The following MYO1E variants were observed in gnomAD, a reference collection of about 807,000 sequenced individuals.
The protein encoded by MYO1E is myosin IE.
Under a neutral mutation model 151.1 loss-of-function variants are expected in MYO1E, and 68 were observed. The ratio of observed to expected loss-of-function variants is 0.45; its 90% CI spans 0.37 to 0.55. The LOEUF (loss-of-function observed/expected upper bound fraction) is 0.55. Ranked by LOEUF, MYO1E falls within the 20% of genes least tolerant of loss-of-function variation. The probability of loss-of-function intolerance (pLI) is 0.00; values close to 1 mark genes in which losing one functional copy is unlikely to be tolerated. For synonymous variants in MYO1E, 601 were observed against 501.7 expected, an observed-to-expected ratio of 1.20 and a Z score of -2.64; for missense variants, 1,363 against 1,389.3, an observed-to-expected ratio of 0.98 and a Z score of 0.30.
chr15:59,195,286 A>T (rs535328407), intron 17 of MYO1E, among the ~76,000 whole-genome samples, 175 bp downstream of exon 17: 1 of 152,374 alleles, frequency 6.6e-6, no homozygotes, highest in African/African-American at 2.4e-5. Context: ...ACATTTTAGC[A>T]AATGACACGG....
chr15:59,199,564 A>G (rs2079788445), intron 16 of MYO1E, among the ~76,000 whole-genome samples: 1 of 152,204 alleles, frequency 6.6e-6, no homozygotes, highest in African/African-American at 2.4e-5. Context: ...CGAATTAAGT[A>G]AAACCTCAAA....
chr15:59,213,488 T>TA (rs1464996759), intron 12 of MYO1E, among the ~76,000 whole-genome samples: 2 of 149,982 alleles, frequency 1.3e-5, no homozygotes, highest in Non-Finnish European at 3.0e-5. Flanking sequence ...ATTTTTGAGA[T>TA]AGAGTCTTGC....
chr15:59,315,035 G>T (rs1052429033), intron 1 of MYO1E, among the ~76,000 whole-genome samples: 1 of 152,074 alleles, frequency 6.6e-6, no homozygotes, highest in South Asian at 2.1e-4. Flanking sequence ...ATAAACGTAT[G>T]GGCCAAATAA....
At chr15:59,245,174 T>C (rs1245170790) in intron 4 of MYO1E, among the ~76,000 whole-genome samples, 4 of 152,082 alleles carry the variant, frequency 2.6e-5, no homozygotes, top group African/African-American at 7.2e-5. Flanking sequence ...AGCGTCCCCA[T>C]GCTAATAATA....
intron 4 of MYO1E, among the ~76,000 whole-genome samples, chr15:59,253,303 A>G (rs1371530122): frequency 6.6e-6 from 1 of 152,206 alleles, no homozygotes; most frequent in African/African-American, 2.4e-5. Context: ...CTGCAGAAAA[A>G]TAATAGAATT....
At chr15:59,168,255 A>AG (rs2079573003) in intron 22 of MYO1E, among the ~76,000 whole-genome samples, 1 of 152,160 alleles carries the variant, frequency 6.6e-6, no homozygotes, top group African/African-American at 2.4e-5. Context: ...GTAAACAAGT[A>AG]GGATAGTAGG....
chr15:59,259,898 T>C (rs1295989769), intron 3 of MYO1E, among the ~76,000 whole-genome samples: 1 of 152,110 alleles, frequency 6.6e-6, no homozygotes, highest in African/African-American at 2.4e-5. Context: ...TCAGTAGATT[T>C]TAGTACTTCA....
chr15:59,161,178 A>C lies in MYO1E; in HGVS notation c.2680T>G (p.Ser894Ala). 1 of 1,614,060 alleles carries C rather than the reference A, an allele frequency of 6.2e-7. No homozygotes were observed. Residue 894 changes from serine (S) to alanine (A), a missense_variant, in exon 24 of 28, where the codon TCC becomes GCC. By Grantham distance (99) the Ser-to-Ala change is moderately conservative. Transcript: ENST00000288235. ...CCTTGGTGGAACTGCACTTGCCGGG[A>C]GCCCCCTGCACTCCAGGGGCCCCAG... ...ENWGPWSAGG[S>A]RQVQFHQGFG...
intron 19 of MYO1E, among the ~76,000 whole-genome samples, chr15:59,177,404 AG>A (rs1339725692): frequency 7.9e-5 from 12 of 152,214 alleles, no homozygotes; most frequent in African/African-American, 2.9e-4. Context: ...TTAGAGGAGA[AG>A]AAAACTAATG....
rs545367734 is a variant in MYO1E at position 59,238,217 on chromosome 15, A to G, written c.333-1545T>C. ...GAAATTATCTTTTCAAATGGTTGAC[A>G]TACTCAGATGATGTATTTACTAGAT... On this transcript the variant is annotated intron_variant, in intron 4 of 27. Transcript: ENST00000288235. Among the ~76,000 whole-genome samples the G allele has an allele frequency of 2.6e-5, 4 of 152,352 alleles. No individual in the cohort carries two copies. The South Asian group carries it at 6.2e-4, about 24-fold the overall frequency.
In MYO1E at chr15:59,225,084, T is replaced by C. The variant is rs530976798; in HGVS notation, c.643-261A>G. 4.6e-5 allele frequency among the ~76,000 whole-genome samples: 7 copies of C among 152,140 alleles called. 1 individual carries two copies. Among genetic ancestry groups the C allele is most frequent in the African/African-American group, 1.7e-4 (7 of 41,512 alleles). The stretch of plus-strand genomic sequence containing the variant: ...AACTGGACTGCCACCCTCGGAAGAG[T>C]GGAAAGCAAAACAGATTTTAATTAC... On this transcript the variant is annotated intron_variant, in intron 7 of 27. Transcript: ENST00000288235.
intron 25 of MYO1E, among the ~76,000 whole-genome samples, chr15:59,154,087 G>T (rs1237662496): frequency 6.6e-6 from 1 of 152,214 alleles, no homozygotes; most frequent in East Asian, 1.9e-4. Flanking sequence ...GAACACAGCG[G>T]ACACTCAGCA....
rs1051026 is a variant in MYO1E at position 59,137,311 on chromosome 15, C to T, written c.*69G>A. ...GCTCATTGTGGATTGTAAGGGGAGC[C>T]CCTAAATATCCCCTCCCCTGGTCTG... is the stretch of plus-strand genomic sequence containing the variant. On this transcript the variant is annotated 3_prime_UTR_variant, in exon 28 of 28. Transcript: ENST00000288235. The T allele has an allele frequency of 1.6e-4, 210 of 1,330,318 alleles. No homozygotes were observed. Among genetic ancestry groups the T allele is most frequent in the Non-Finnish European group, 2.2e-4 (202 of 922,002 alleles). 82.4% of individuals were successfully genotyped at this position (1,330,318 alleles called of 1,614,324 possible).
At chr15:59,351,420 G>A (rs28561629) in intron 1 of MYO1E, among the ~76,000 whole-genome samples, 3,785 of 152,266 alleles carry the variant, frequency 0.025, 154 homozygotes, top group African/African-American at 0.082. Flanking sequence ...CTGCCCTCAC[G>A]GAATTTATTT....
intron 19 of MYO1E, among the ~76,000 whole-genome samples, chr15:59,177,004 A>G (rs2079629145): frequency 6.6e-6 from 1 of 152,248 alleles, no homozygotes; most frequent in African/African-American, 2.4e-5. Flanking sequence ...CAGAAAAAAA[A>G]GTATTACAAA....
intron 26 of MYO1E, among the ~76,000 whole-genome samples, chr15:59,140,417 A>G (rs1021261636): frequency 1.4e-4 from 21 of 152,360 alleles, no homozygotes; most frequent in East Asian, 1.9e-4. Flanking sequence ...CATGGAGAAC[A>G]TTTCTTTTTT....
At chr15:59,319,175 G>A (rs765166833) in intron 1 of MYO1E, among the ~76,000 whole-genome samples, 1 of 152,088 alleles carries the variant, frequency 6.6e-6, no homozygotes, top group Non-Finnish European at 1.5e-5. Context: ...GCCTGGCATG[G>A]TGACAGGCAC....
chr15:59,196,716 T>G (rs1015281171), intron 16 of MYO1E, among the ~76,000 whole-genome samples: 1 of 152,186 alleles, frequency 6.6e-6, no homozygotes, highest in African/African-American at 2.4e-5. Context: ...ATAGCATTCT[T>G]TGCGATGCTT....
chr15:59,276,653 T>C (rs188319809), intron 1 of MYO1E, among the ~76,000 whole-genome samples: 49 of 152,298 alleles, frequency 3.2e-4, no homozygotes, highest in Admixed American at 2.6e-3. Flanking sequence ...ATCCACATAA[T>C]AGCCTGGTTT....
Sources: gnomAD v4.1 joint callset for allele counts (sites outside exome capture counted in the v4.1 genomes callset) on GRCh38, gnomAD v4.1.1 for gene constraint, MANE v1.5 for transcripts, NCBI Gene and HGNC (gene_info 2026-07-23, HGNC 2026-07-21) for gene names.